Variants in SEMA6D observed in about 807,000 individuals in gnomAD.
The protein encoded by SEMA6D is semaphorin-6D.
Under a neutral mutation model 106.6 loss-of-function variants are expected in SEMA6D, and 35 were observed. The observed-to-expected ratio is 0.33, with a 90% CI of 0.25 to 0.44. The LOEUF is 0.44. Among genes scored for constraint, SEMA6D ranks in the 20% least tolerant of loss-of-function variants. The pLI is 1.00. For synonymous variants in SEMA6D, 499 were observed against 487.7 expected (o/e 1.02, Z -0.31); for missense variants, 1,185 against 1,345.9 (o/e 0.88, Z 1.87).
intron 3 of SEMA6D, among the ~76,000 whole-genome samples, chr15:47,598,884 A>G (rs979539904): frequency 5.9e-5 from 9 of 151,676 alleles, no homozygotes; most frequent in African/African-American, 1.5e-4. Flanking sequence ...TCAAATTTAA[A>G]TATTTATTAT....
At chr15:47,326,700 G>A (rs1360351282) in intron 1 of SEMA6D, among the ~76,000 whole-genome samples, 1 of 152,220 alleles carries the variant, frequency 6.6e-6, no homozygotes, top group East Asian at 1.9e-4. Flanking sequence ...GTTAAGCACC[G>A]CTTGTTGAAG....
chr15:47,278,389 T>G (rs1164835411), intron 1 of SEMA6D, among the ~76,000 whole-genome samples: 1 of 152,206 alleles, frequency 6.6e-6, no homozygotes, highest in Non-Finnish European at 1.5e-5. Context: ...TTTCATGTGT[T>G]TTTTGGCTGC....
intron 1 of SEMA6D, among the ~76,000 whole-genome samples, chr15:47,315,663 G>A (rs2036639925): frequency 6.6e-6 from 1 of 152,134 alleles, no homozygotes; most frequent in South Asian, 2.1e-4. Flanking sequence ...TTGGGTTTGT[G>A]TTTAATCTGT....
At chr15:47,581,405 T>C in intron 3 of SEMA6D, 1 of 491,102 alleles carries the variant, frequency 2.0e-6, no homozygotes, top group Admixed American at 2.0e-5. Flanking sequence ...TAATGGGAAG[T>C]AGTTTGAGAA....
chr15:47,264,308 A>ATT (rs1339417573), intron 1 of SEMA6D, among the ~76,000 whole-genome samples: 17 of 151,534 alleles, frequency 1.1e-4, no homozygotes, highest in African/African-American at 4.1e-4. Context: ...TACTTATGTA[A>ATT]TAAACCTGGT....
intron 1 of SEMA6D, among the ~76,000 whole-genome samples, chr15:47,234,311 T>TATAC (rs1431442419): frequency 1.3e-5 from 2 of 151,922 alleles, no homozygotes; most frequent in Non-Finnish European, 2.9e-5. Context: ...TTGTAAATGT[T>TATAC]ATACATACAT....
intron 4 of SEMA6D, among the ~76,000 whole-genome samples, chr15:47,659,396 TGCAAAAAAA>T (rs772137612): frequency 2.4e-4 from 37 of 151,936 alleles, no homozygotes; most frequent in Non-Finnish European, 4.1e-4. Flanking sequence ...GCCAGTCATC[TGCAAAAAAA>T]GTAAAAAATA....
chr15:47,645,751 T>A (rs2077571486), intron 4 of SEMA6D, among the ~76,000 whole-genome samples: 1 of 152,202 alleles, frequency 6.6e-6, no homozygotes, highest in South Asian at 2.1e-4. Flanking sequence ...GTGGTTGGCC[T>A]GTGCTTCTGA....
At chr15:47,742,752 C>G (rs1421700398) in intron 1 of SEMA6D, among the ~76,000 whole-genome samples, 2 of 152,158 alleles carry the variant, frequency 1.3e-5, no homozygotes, top group African/African-American at 2.4e-5. Flanking sequence ...AGTTCTTTCC[C>G]CCAGTCCTGC....
At chr15:47,667,064 C>T (rs1474711667) in intron 4 of SEMA6D, among the ~76,000 whole-genome samples, 1 of 152,180 alleles carries the variant, frequency 6.6e-6, no homozygotes, top group Non-Finnish European at 1.5e-5. Context: ...AGCAGCGAGC[C>T]AACCCATTCC....
At chr15:47,354,418 T>C (rs1254446190) in intron 1 of SEMA6D, among the ~76,000 whole-genome samples, 1 of 147,622 alleles carries the variant, frequency 6.8e-6, no homozygotes, top group African/African-American at 2.5e-5. Context: ...AGAGAGCATA[T>C]ACATATACCT....
At chr15:47,328,902 G>T (rs1295876468) in intron 1 of SEMA6D, among the ~76,000 whole-genome samples, 4 of 152,144 alleles carry the variant, frequency 2.6e-5, no homozygotes, top group Non-Finnish European at 5.9e-5. Context: ...TCTCCATTGA[G>T]TCATATCATT....
At chr15:47,362,746 G>T (rs1362153856) in intron 1 of SEMA6D, among the ~76,000 whole-genome samples, 2 of 152,134 alleles carry the variant, frequency 1.3e-5, no homozygotes, top group Non-Finnish European at 2.9e-5. Flanking sequence ...AGGAAGAGGG[G>T]GAGGAGGCAG....
intron 4 of SEMA6D, among the ~76,000 whole-genome samples, chr15:47,692,173 A>G (rs143066723): frequency 2.7e-3 from 408 of 152,264 alleles, no homozygotes; most frequent in African/African-American, 9.5e-3. Flanking sequence ...GGAGGCTTAT[A>G]TGCATATTTG....
intron 4 of SEMA6D, among the ~76,000 whole-genome samples, chr15:47,640,730 A>T (rs998077496): frequency 1.4e-4 from 21 of 152,320 alleles, no homozygotes; most frequent in Admixed American, 1.1e-3. Flanking sequence ...GTGTTGTTAT[A>T]TAACGCGTTT....
chr15:47,407,403 CAACAACAAAAAAAACA>C (rs1436593199), intron 1 of SEMA6D, among the ~76,000 whole-genome samples: 2 of 82,268 alleles, frequency 2.4e-5, no homozygotes, highest in East Asian at 7.2e-4. Context: ...ACAACAACAA[CAACAACAAAAAAAACA>C]AAAAAAACAA....
At chr15:47,732,726 T>A (rs2080201670) in intron 1 of SEMA6D, among the ~76,000 whole-genome samples, 1 of 152,186 alleles carries the variant, frequency 6.6e-6, no homozygotes, top group African/African-American at 2.4e-5. Context: ...TGGCCAGCAA[T>A]GTTTTTCTGC....
intron 1 of SEMA6D, among the ~76,000 whole-genome samples, chr15:47,269,819 A>G (rs938758724): frequency 2.0e-5 from 3 of 152,074 alleles, no homozygotes; most frequent in African/African-American, 4.8e-5. Flanking sequence ...CTTCCAAGTA[A>G]AAGCTATCTT....
chr15:47,539,265 C>T (rs897050993), intron 3 of SEMA6D, among the ~76,000 whole-genome samples: 1 of 152,168 alleles, frequency 6.6e-6, no homozygotes, highest in African/African-American at 2.4e-5. Flanking sequence ...TGCTAGCTAA[C>T]ATATCCTGGT....
Sources: gnomAD v4.1 joint callset for allele counts (sites outside exome capture counted in the v4.1 genomes callset) on GRCh38, gnomAD v4.1.1 for gene constraint, MANE v1.5 for transcripts, NCBI Gene and HGNC (gene_info 2026-07-23, HGNC 2026-07-21) for gene names.